The following WWOX variants were observed in gnomAD, a reference collection of about 807,000 sequenced individuals.
The protein encoded by WWOX is WW domain-containing oxidoreductase.
Under a neutral mutation model 46.2 loss-of-function variants are expected in WWOX, and 69 were observed. The ratio of observed to expected loss-of-function variants is 1.49; its 90% confidence interval spans 1.23 to 1.82. The LOEUF (loss-of-function observed/expected upper bound fraction) is 1.82, where lower values mean the gene tolerates loss of function less well. Ranked by LOEUF, WWOX falls within the 40% of genes most tolerant of loss-of-function variation. The pLI, the probability that WWOX is intolerant of heterozygous loss-of-function variation, is 0.00. For missense variants in WWOX, 919 were observed against 542.6 expected, an observed-to-expected ratio of 1.69 and a Z score of -6.89; for synonymous variants, 359 against 202.6, an observed-to-expected ratio of 1.77 and a Z score of -6.56.
chr16:78,811,688 T>A (rs1461458175), intron 8 of WWOX, among the ~76,000 whole-genome samples: 1 of 152,010 alleles, frequency 6.6e-6, no homozygotes, highest in African/African-American at 2.4e-5. Context: ...CCTCTTCTTA[T>A]AAGGCTACTA....
intron 8 of WWOX, among the ~76,000 whole-genome samples, chr16:78,867,746 T>C (rs926150135): frequency 1.4e-4 from 22 of 152,108 alleles, no homozygotes; most frequent in African/African-American, 4.8e-4. Flanking sequence ...TGGTGAGCTG[T>C]GAGCTGTAAA....
intron 8 of WWOX, among the ~76,000 whole-genome samples, chr16:79,057,285 C>G (rs542844060): frequency 6.6e-6 from 1 of 152,302 alleles, no homozygotes; most frequent in South Asian, 2.1e-4. Context: ...GCTGATTCTC[C>G]CCAGCATGGG....
chr16:78,514,866 G>T (rs2085451630), intron 8 of WWOX, among the ~76,000 whole-genome samples: 1 of 152,100 alleles, frequency 6.6e-6, no homozygotes, highest in Admixed American at 6.5e-5. Context: ...TGAGTGCTGG[G>T]AATACAGCCC....
intron 5 of WWOX, among the ~76,000 whole-genome samples, chr16:78,378,719 G>A (rs1006141989): frequency 1.3e-5 from 2 of 152,184 alleles, no homozygotes; most frequent in African/African-American, 2.4e-5. Context: ...AGAGACATCA[G>A]CATAATGCAA....
chr16:79,044,241 C>T (rs1047945197), intron 8 of WWOX, among the ~76,000 whole-genome samples: 2 of 152,204 alleles, frequency 1.3e-5, no homozygotes, highest in Admixed American at 6.5e-5. Flanking sequence ...AAGTTACCAT[C>T]AAAATCCGTC....
At chr16:78,178,309 C>T (rs1369015582) in intron 5 of WWOX, among the ~76,000 whole-genome samples, 1 of 152,192 alleles carries the variant, frequency 6.6e-6, no homozygotes, top group Non-Finnish European at 1.5e-5. Context: ...TGTTTTCATT[C>T]CCGCAAAAGC....
chr16:79,045,106 G>C (rs991250019), intron 8 of WWOX, among the ~76,000 whole-genome samples: 4 of 152,116 alleles, frequency 2.6e-5, no homozygotes, highest in African/African-American at 9.7e-5. Flanking sequence ...TCAAATTTTA[G>C]GCATTCGTTC....
intron 8 of WWOX, among the ~76,000 whole-genome samples, chr16:79,091,755 G>A (rs893691308): frequency 2.7e-5 from 4 of 149,746 alleles, no homozygotes; most frequent in Non-Finnish European, 4.4e-5. Context: ...ACACCCGACC[G>A]CATCTTTTTC....
rs201901491 is a variant in WWOX, at chr16:79,211,684, A to C, written c.1133A>C (p.Asn378Thr). Residue 378 changes from asparagine to threonine, a missense_variant, in exon 9 of 9, where the codon AAC becomes ACC. Asn to Thr is a moderately conservative substitution (Grantham distance 65). Coordinates refer to ENST00000566780, the MANE Select transcript of WWOX (RefSeq NM_016373.4). ...LEGLGGMYFN[N>T]CCRCMPSPEA... ...GGTCTGGGAGGGATGTACTTCAACA[A>C]CTGCTGCCGCTGCATGCCCTCACCA... The C allele has an allele frequency of 1.9e-6, 3 of 1,614,048 alleles. No individual in the cohort carries two copies. Among genetic ancestry groups the C allele is most frequent in the African/African-American group, 1.3e-5 (1 of 74,914 alleles).
At chr16:78,957,801 T>C (rs1199796773) in intron 8 of WWOX, among the ~76,000 whole-genome samples, 1 of 152,212 alleles carries the variant, frequency 6.6e-6, no homozygotes, top group Admixed American at 6.5e-5. Flanking sequence ...CCTGTTTTAA[T>C]CTCAAAGCTG....
chr16:79,018,422 T>C (rs773298666), intron 8 of WWOX, among the ~76,000 whole-genome samples: 1 of 152,212 alleles, frequency 6.6e-6, no homozygotes, highest in Non-Finnish European at 1.5e-5. Context: ...TCAGATACTT[T>C]ATCCAAAAGC....
At chr16:78,721,745 T>A (rs945990957) in intron 8 of WWOX, among the ~76,000 whole-genome samples, 4 of 152,178 alleles carry the variant, frequency 2.6e-5, no homozygotes, top group African/African-American at 9.6e-5. Context: ...GGGAATCGAA[T>A]GAGAGATTAC....
chr16:78,525,066 A>G (rs968274346), intron 8 of WWOX: 6 of 150,800 alleles, frequency 4.0e-5, no homozygotes, highest in Non-Finnish European at 5.9e-5. Context: ...GGGCCTCACT[A>G]TGTTGCCCAA....
intron 4 of WWOX, among the ~76,000 whole-genome samples, chr16:78,151,464 G>C (rs1423416342): frequency 6.6e-6 from 1 of 152,110 alleles, no homozygotes; most frequent in Non-Finnish European, 1.5e-5. Context: ...GAATACCTTA[G>C]AATTAGTTAA....
chr16:78,176,206 C>A (rs920945905), intron 5 of WWOX, among the ~76,000 whole-genome samples: 1 of 152,148 alleles, frequency 6.6e-6, no homozygotes, highest in Non-Finnish European at 1.5e-5. Flanking sequence ...CTAAAACTCA[C>A]GTCTCTCAAA....
intron 5 of WWOX, among the ~76,000 whole-genome samples, chr16:78,201,487 G>T (rs2036228001): frequency 6.6e-6 from 1 of 152,006 alleles, no homozygotes; most frequent in Non-Finnish European, 1.5e-5. Context: ...TGAGTAGCAG[G>T]TTGAAAAAAG....
intron 8 of WWOX, among the ~76,000 whole-genome samples, chr16:78,488,291 T>C (rs1179645937): frequency 1.3e-5 from 2 of 152,138 alleles, no homozygotes; most frequent in Non-Finnish European, 2.9e-5. Context: ...CTGTGAGTCT[T>C]CCAAGTCCTG....
chr16:78,987,802 G>A (rs2151341860), intron 8 of WWOX, among the ~76,000 whole-genome samples: 1 of 152,220 alleles, frequency 6.6e-6, no homozygotes, highest in African/African-American at 2.4e-5. Context: ...TAAAAAATGT[G>A]CTCTCCAAAA....
chr16:78,944,281 A>C (rs186745708), intron 8 of WWOX, among the ~76,000 whole-genome samples: 13 of 152,238 alleles, frequency 8.5e-5, no homozygotes, highest in Non-Finnish European at 1.6e-4. Context: ...ATCAGCATCT[A>C]CATCTTTCAG....
Sources: allele counts gnomAD v4.1 joint callset (sites outside exome capture counted in the v4.1 genomes callset), GRCh38; gene constraint gnomAD v4.1.1; transcripts MANE v1.5; gene names NCBI Gene and HGNC (gene_info 2026-07-23, HGNC 2026-07-21).